The following KDM4C variants were observed in gnomAD, a reference collection of about 807,000 sequenced individuals.
KDM4C encodes the protein lysine demethylase 4C.
Under a neutral mutation model 129.3 loss-of-function variants are expected in KDM4C, and 81 were observed. The observed-to-expected ratio is 0.63, with a 90% confidence interval of 0.52 to 0.75. The LOEUF is 0.75. Ranked by LOEUF, KDM4C falls within the 30% of genes least tolerant of loss-of-function variation. The pLI is 0.00. For missense variants in KDM4C, 1,457 were observed against 1,304.0 expected (o/e 1.12, Z -1.81); for synonymous variants, 573 against 456.1 (o/e 1.26, Z -3.26).
At chr9:6,858,731 C>G (rs1193753575) in intron 5 of KDM4C, among the ~76,000 whole-genome samples, 4 of 151,568 alleles carry the variant, frequency 2.6e-5, no homozygotes, top group Non-Finnish European at 5.9e-5. Flanking sequence ...AACATCGTGT[C>G]ACTGCACTCC....
intron 5 of KDM4C, among the ~76,000 whole-genome samples, chr9:6,875,895 A>G (rs1448362625): frequency 6.6e-6 from 1 of 152,236 alleles, no homozygotes; most frequent in Non-Finnish European, 1.5e-5. Context: ...TACTAGCAGC[A>G]CATCTATTAT....
At chr9:7,132,124 C>T (rs1017959795) in intron 19 of KDM4C, among the ~76,000 whole-genome samples, 2 of 152,168 alleles carry the variant, frequency 1.3e-5, no homozygotes, top group African/African-American at 4.8e-5. Context: ...TTTCAGTTTC[C>T]TATGAAAATC....
chr9:6,814,809 A>C (rs1283930671), intron 4 of KDM4C, 64 bp downstream of exon 4: 1 of 1,088,436 alleles, frequency 9.2e-7, no homozygotes, highest in South Asian at 1.4e-5. Context: ...GTTACCATTT[A>C]AGCAGTTTAG....
chr9:6,966,606 T>C (rs1831022215), intron 8 of KDM4C, among the ~76,000 whole-genome samples: 1 of 152,254 alleles, frequency 6.6e-6, no homozygotes, highest in Non-Finnish European at 1.5e-5. Flanking sequence ...TAAATCTGTA[T>C]GTAGATCTAG....
At chr9:7,001,989 T>A (rs1450961496) in intron 12 of KDM4C, among the ~76,000 whole-genome samples, 1 of 152,008 alleles carries the variant, frequency 6.6e-6, no homozygotes, top group East Asian at 1.9e-4. Flanking sequence ...GCCTCCTGGG[T>A]TCAAGTGATT....
intron 17 of KDM4C, among the ~76,000 whole-genome samples, chr9:7,094,655 C>G (rs889005790): frequency 2.6e-5 from 4 of 152,212 alleles, no homozygotes; most frequent in African/African-American, 9.6e-5. Context: ...TAACTCTTCT[C>G]ACAGCTGCAG....
intron 12 of KDM4C, among the ~76,000 whole-genome samples, chr9:6,992,546 C>T (rs1032537809): frequency 6.6e-6 from 1 of 152,174 alleles, no homozygotes; most frequent in African/African-American, 2.4e-5. Context: ...AGCTTTCAAA[C>T]TGGCAACAGA....
intron 17 of KDM4C, chr9:7,077,400 A>T (rs566437271): frequency 5.2e-6 from 1 of 190,498 alleles, no homozygotes; most frequent in Admixed American, 6.5e-5. Flanking sequence ...TTTAGCATTT[A>T]TCTGTAAGCT....
At chr9:6,812,255 A>C (rs1418959046) in intron 3 of KDM4C, among the ~76,000 whole-genome samples, 2 of 151,638 alleles carry the variant, frequency 1.3e-5, no homozygotes, top group African/African-American at 4.8e-5. Flanking sequence ...AAAAGTTGTT[A>C]CTGATTGAGT....
At chr9:6,918,560 G>A (rs974130965) in intron 8 of KDM4C, among the ~76,000 whole-genome samples, 2 of 152,182 alleles carry the variant, frequency 1.3e-5, no homozygotes, top group African/African-American at 4.8e-5. Flanking sequence ...TGGGTCAGTT[G>A]GTAGGTCTGT....
intron 1 of KDM4C, among the ~76,000 whole-genome samples, chr9:6,773,910 TTTTATTTATTTTTATTATTTATTTG>T (rs1822442176): frequency 6.6e-6 from 1 of 151,952 alleles, no homozygotes; most frequent in Non-Finnish European, 1.5e-5. Context: ...TAGGCATTTA[TTTTATTTATTTTTATTATTTATTTG>T]TTTATTTATT....
chr9:7,090,144 A>T (rs1835626360), intron 17 of KDM4C, among the ~76,000 whole-genome samples: 1 of 152,200 alleles, frequency 6.6e-6, no homozygotes, highest in South Asian at 2.1e-4. Context: ...CTTAAGGTAG[A>T]TGAAAATTTG....
At position 6,883,468 on chromosome 9, in the gene KDM4C, G is replaced by A. The variant is rs140730210; in HGVS notation, c.679+3407G>A. Among the ~76,000 whole-genome samples, 398 of 152,216 alleles carry A rather than the reference G, an allele frequency of 2.6e-3. 3 individuals carry two copies. Among genetic ancestry groups the A allele is most frequent in the African/African-American group, 9.0e-3 (373 of 41,520 alleles). Reference sequence around the variant, plus strand: ...TGGATTTCACTAAGAGTGAAGAAACGGTTGGTAAACTTAATTTCTTAACAA... The same window carrying A: ...TGGATTTCACTAAGAGTGAAGAAACAGTTGGTAAACTTAATTTCTTAACAA... On this transcript the variant is annotated intron_variant, in intron 6 of 21. Transcript: ENST00000381309.
chr9:6,737,050 CAAAAA>C (rs566235532), intron 1 of KDM4C, among the ~76,000 whole-genome samples: 3 of 36,418 alleles, frequency 8.2e-5, no homozygotes, highest in African/African-American at 2.8e-4. Flanking sequence ...GATTCTGTCT[CAAAAA>C]AAAAAAAAAA....
At chr9:6,776,008 T>A (rs184945921) in intron 1 of KDM4C, among the ~76,000 whole-genome samples, 6 of 152,236 alleles carry the variant, frequency 3.9e-5, no homozygotes, top group Non-Finnish European at 8.8e-5. Context: ...TTGAGAACCA[T>A]TGTTACTTTT....
Position 7,174,601 on chromosome 9 carries a change from A to G in KDM4C, c.3043A>G (p.Ile1015Val), listed in dbSNP as rs1845278900. 11 of 1,614,224 alleles carry G rather than the reference A, an allele frequency of 6.8e-6. No homozygotes were observed. Among genetic ancestry groups the G allele is most frequent in the South Asian group, 1.1e-5 (1 of 91,086 alleles). The change falls in exon 22 of 22, where the codon ATT becomes GTT. Residue 1015 changes from isoleucine to valine, a missense_variant. By Grantham distance (29) the Ile-to-Val change is conservative. Coordinates refer to ENST00000381309, the MANE Select transcript of KDM4C (RefSeq NM_015061.6). ...RFEDTFYGAD[I>V]IQGERKRQRV... is the part of the protein sequence containing the mutation. The stretch of plus-strand genomic sequence containing the variant: ...TGAAGACACGTTTTATGGAGCAGAC[A>G]TTATCCAAGGGGAGAGAAAGAGACA...
intron 1 of KDM4C, among the ~76,000 whole-genome samples, chr9:6,788,186 A>G (rs1825859287): frequency 6.6e-6 from 1 of 151,902 alleles, no homozygotes; most frequent in Admixed American, 6.6e-5. Flanking sequence ...CTATCCCCTT[A>G]CCCTTGGTTC....
At chr9:7,052,702 G>A (rs1296097553) in intron 17 of KDM4C, among the ~76,000 whole-genome samples, 2 of 152,128 alleles carry the variant, frequency 1.3e-5, no homozygotes, top group African/African-American at 4.8e-5. Context: ...TGGTCAGCTG[G>A]GGATTGAAAA....
rs1392772488 is a variant in KDM4C, at chr9:7,175,507, C to A, written c.*778C>A. 1 of 152,370 alleles carries A rather than the reference C, an allele frequency of 6.6e-6. No homozygotes were observed. Among genetic ancestry groups the A allele is most frequent in the Non-Finnish European group, 1.5e-5 (1 of 67,970 alleles). The allele number at this position is 152,370 out of a possible 1,614,324, so 9.4% of individuals were successfully genotyped here. ...GTAGATATTTATAAAATATATGTTT[C>A]TTTCATTATGTGTTTGTAAAATTAG... On this transcript the variant is annotated 3_prime_UTR_variant, in exon 22 of 22. Transcript: ENST00000381309.
Sources: allele counts gnomAD v4.1 joint callset (sites outside exome capture counted in the v4.1 genomes callset), GRCh38; gene constraint gnomAD v4.1.1; transcripts MANE v1.5; gene names NCBI Gene and HGNC (gene_info 2026-07-23, HGNC 2026-07-21).